ALDH1L1: variants seen among roughly 807,000 people sequenced by gnomAD.
ALDH1L1 encodes aldehyde dehydrogenase 1 family member L1.
In ALDH1L1, 68 loss-of-function variants were observed where a neutral mutation model predicts 101.1. The ratio of observed to expected loss-of-function variants is 0.67; its 90% CI spans 0.55 to 0.82. The LOEUF (loss-of-function observed/expected upper bound fraction) is 0.82, where lower values mean the gene tolerates loss of function less well. Ranked by LOEUF, ALDH1L1 falls within the 40% of genes least tolerant of loss-of-function variation. The pLI, the probability that ALDH1L1 is intolerant of heterozygous loss-of-function variation, is 0.00. For synonymous variants in ALDH1L1, 486 were observed against 470.8 expected (o/e 1.03, Z -0.42); for missense variants, 1,087 against 1,172.7 (o/e 0.93, Z 1.07).
At chr3:126,157,011 G>A (rs1418799584) in intron 4 of ALDH1L1, among the ~76,000 whole-genome samples, 2 of 152,148 alleles carry the variant, frequency 1.3e-5, no homozygotes, top group Non-Finnish European at 2.9e-5. Flanking sequence ...GAATCCTAAC[G>A]ATGTCATAAT....
At chr3:126,195,803 T>G (rs2081578524) in intron 1 of ALDH1L1, among the ~76,000 whole-genome samples, 1 of 152,184 alleles carries the variant, frequency 6.6e-6, no homozygotes, top group Admixed American at 6.5e-5. Flanking sequence ...TGAGTTCATG[T>G]CCTTTGTAGG....
upstream of ALDH1L1, chr3:126,180,695 T>C (rs1424583806): frequency 2.2e-5 from 30 of 1,384,612 alleles, no homozygotes; most frequent in Non-Finnish European, 2.7e-5. Flanking sequence ...GGTGGGACTA[T>C]GGCGGGAGCG....
intron 3 of ALDH1L1, among the ~76,000 whole-genome samples, chr3:126,157,844 C>T (rs1304997767): frequency 3.3e-5 from 5 of 152,166 alleles, no homozygotes; most frequent in Admixed American, 2.0e-4. Flanking sequence ...CAGACCAGTC[C>T]GACTACAAAT....
chr3:126,173,575 A>G (rs2081321210), intron 1 of ALDH1L1, among the ~76,000 whole-genome samples: 1 of 152,236 alleles, frequency 6.6e-6, no homozygotes, highest in African/African-American at 2.4e-5. Flanking sequence ...AAACAGTAAT[A>G]AATATGGTAA....
At chr3:126,123,888 A>C (rs1463429512) in intron 16 of ALDH1L1, among the ~76,000 whole-genome samples, 1 of 152,214 alleles carries the variant, frequency 6.6e-6, no homozygotes, top group African/African-American at 2.4e-5. Flanking sequence ...AAGGAGATAA[A>C]AATTATGAGA....
intron 16 of ALDH1L1, 111 bp from the exon 17 acceptor site, chr3:126,118,209 C>G (rs1304672913): frequency 1.2e-6 from 1 of 820,270 alleles, no homozygotes; most frequent in Admixed American, 2.0e-5. Flanking sequence ...CCTCAAAATG[C>G]TCCCCACATG....
chr3:126,105,702 A>C (rs1375912016), intron 22 of ALDH1L1, 24 bp downstream of exon 22: 1 of 1,613,626 alleles, frequency 6.2e-7, no homozygotes, highest in Middle Eastern at 1.6e-4. Flanking sequence ...AATGAAAGCA[A>C]CCCCACAGGC....
rs138761599 is a variant in ALDH1L1 at position 126,193,563 on chromosome 3, T to C, written c.-24+4172A>G. Among the ~76,000 whole-genome samples the C allele has an allele frequency of 5.9e-5, 9 of 152,344 alleles. No individual in the cohort carries two copies. In the East Asian group the frequency reaches 1.7e-3, roughly 29 times the overall value. On this transcript the variant is annotated intron_variant, in intron 1 of 2. Coordinates refer to the ALDH1L1 transcript ENST00000509952. ...TTGGGTTTCTGGTCTCAGCATGTCATTCAAAGCTTACAGTGTCCTCATGGT... is the reference window on the plus strand; with the variant it reads ...TTGGGTTTCTGGTCTCAGCATGTCACTCAAAGCTTACAGTGTCCTCATGGT...
At chr3:126,181,311 C>T (rs1268210726), upstream of ALDH1L1, 3 of 424,304 alleles carry the variant, frequency 7.1e-6, no homozygotes, top group Non-Finnish European at 1.3e-5. Context: ...GCTCCTTCTC[C>T]TGGAACACCC....
At chr3:126,140,704 G>T (rs1239405990) in intron 9 of ALDH1L1, among the ~76,000 whole-genome samples, 1 of 151,954 alleles carries the variant, frequency 6.6e-6, no homozygotes, top group Non-Finnish European at 1.5e-5. Flanking sequence ...TTGAAGCTAG[G>T]TTGATATTAT....
chr3:126,163,796 G>C (rs1485704386), intron 1 of ALDH1L1, among the ~76,000 whole-genome samples: 2 of 152,148 alleles, frequency 1.3e-5, no homozygotes, highest in Non-Finnish European at 1.5e-5. Flanking sequence ...CTCTGAATTT[G>C]AAGAGCTGGT....
At position 126,142,015 on chromosome 3, in the gene ALDH1L1, A is replaced by C. The variant is rs74923201; in HGVS notation, c.1077-4055T>G. On this transcript the variant is annotated intron_variant, in intron 9 of 22. Coordinates refer to ENST00000393434, the MANE Select transcript of ALDH1L1 (RefSeq NM_012190.4). The stretch of plus-strand genomic sequence containing the variant: ...TACTAGAATCAGAAATCAAAGGGAG[A>C]CATTATACCAATCTTACAGAAATAA... Among the ~76,000 whole-genome samples the C allele has an allele frequency of 6.9e-3, 1,052 of 152,298 alleles. 8 individuals are homozygous for C. Among genetic ancestry groups the C allele is most frequent in the African/African-American group, 0.024 (982 of 41,568 alleles).
intron 1 of ALDH1L1, among the ~76,000 whole-genome samples, chr3:126,176,361 C>G (rs1379968128): frequency 6.6e-6 from 1 of 152,098 alleles, no homozygotes; most frequent in African/African-American, 2.4e-5. Context: ...GACAAAAGAC[C>G]TGGGATAGTC....
intron 1 of ALDH1L1, among the ~76,000 whole-genome samples, chr3:126,173,054 A>C (rs1443222156): frequency 6.6e-6 from 1 of 152,242 alleles, no homozygotes; most frequent in Non-Finnish European, 1.5e-5. Context: ...TCTCAAACAA[A>C]AATTGAAGGA....
chr3:126,194,593 A>G (rs2081571506), intron 1 of ALDH1L1, among the ~76,000 whole-genome samples: 1 of 152,198 alleles, frequency 6.6e-6, no homozygotes. Flanking sequence ...TCAATGTTCG[A>G]TTTATGGAAA....
chr3:126,190,270 A>G, intron 1 of ALDH1L1, among the ~76,000 whole-genome samples: 1 of 152,162 alleles, frequency 6.6e-6, no homozygotes, highest in Non-Finnish European at 1.5e-5. Context: ...TAAATACACC[A>G]CCTGAAGCTT....
In ALDH1L1 at chr3:126,118,106, CGGGA is replaced by C; in HGVS notation, c.1889-12_1889-9del. ...TCTGGCCGACCAGGGAGCCTGTGGG[CGGGA>C]GGGAGGGGGGAATCAGAGTGGTCCC... On this transcript the variant is annotated splice_polypyrimidine_tract_variant and intron_variant, in intron 16 of 22. Transcript: ENST00000393434. 2 of 1,159,466 alleles carry C rather than the reference CGGGA, an allele frequency of 1.7e-6. No individual in the cohort carries two copies. Among genetic ancestry groups the C allele is most frequent in the Non-Finnish European group, 2.5e-6 (2 of 799,608 alleles). 71.8% of individuals were successfully genotyped at this position (1,159,466 alleles called of 1,614,324 possible).
intron 1 of ALDH1L1, among the ~76,000 whole-genome samples, chr3:126,161,481 G>A (rs909915158): frequency 2.0e-5 from 3 of 152,206 alleles, no homozygotes; most frequent in Non-Finnish European, 4.4e-5. Flanking sequence ...GGGAGTCCCC[G>A]CCGAAGGGGC....
In ALDH1L1 at chr3:126,160,860, G is replaced by T. The variant is rs202042780; in HGVS notation, c.120C>A (p.Asp40Glu). 4.4e-4 allele frequency: 707 copies of T among 1,614,010 alleles called. 2 individuals are homozygous for T. The highest frequency in any genetic ancestry group is 5.5e-4 in the Non-Finnish European group (650 of 1,179,926). ...FTVPDKDGKA[D>E]PLGLEAEKDG... ...CTCCATTGGCTCACTCACCCAGGGG[G>T]TCGGCCTTTCCATCCTTGTCTGGAA... The change falls in exon 2 of 23, where the codon GAC (aspartate) becomes GAA (glutamate). Residue 40 changes from aspartate (D) to glutamate (E), a missense_variant. Transcript: ENST00000393434.
Sources: allele counts gnomAD v4.1 joint callset (sites outside exome capture counted in the v4.1 genomes callset), GRCh38; gene constraint gnomAD v4.1.1; transcripts MANE v1.5; gene names NCBI Gene and HGNC (gene_info 2026-07-23, HGNC 2026-07-21).